Variants in TIAL1 observed in about 807,000 individuals in gnomAD.
The protein encoded by TIAL1 is TIA1 cytotoxic granule associated RNA binding protein like 1, also known as nucleolysin TIAR.
TIAL1 carries 7 observed loss-of-function variants against 59.7 expected under a neutral mutation model. The ratio of observed to expected loss-of-function variants is 0.12; its 90% CI spans 0.07 to 0.22. The LOEUF (loss-of-function observed/expected upper bound fraction) is 0.22, where lower values mean the gene tolerates loss of function less well. TIAL1 is among the 10% of genes least tolerant of loss of function. The probability of loss-of-function intolerance (pLI) is 1.00; values close to 1 mark genes in which losing one functional copy is unlikely to be tolerated. For missense variants in TIAL1, 225 were observed against 462.5 expected (o/e 0.49, Z 4.71); for synonymous variants, 149 against 146.3 (o/e 1.02, Z -0.13).
intron 1 of TIAL1, among the ~76,000 whole-genome samples, chr10:119,590,850 CATT>C (rs1334677151): frequency 6.7e-6 from 1 of 149,362 alleles, no homozygotes; most frequent in Non-Finnish European, 1.5e-5. Flanking sequence ...AGCTTCTAAA[CATT>C]ATGCTCCTTG....
At chr10:119,577,795 G>A in intron 7 of TIAL1, 59 bp from the exon 8 acceptor site, 1 of 1,410,488 alleles carries the variant, frequency 7.1e-7, no homozygotes, top group Non-Finnish European at 1.0e-6. Flanking sequence ...AAACTCTTCT[G>A]TTAATTACTA....
At chr10:119,576,327 AAAAT>A (rs1844993887) in intron 11 of TIAL1, among the ~76,000 whole-genome samples, 1 of 152,204 alleles carries the variant, frequency 6.6e-6, no homozygotes, top group South Asian at 2.1e-4. Flanking sequence ...TTTACATGCA[AAAAT>A]AAATAAAAGT....
intron 1 of TIAL1, chr10:119,592,179 G>A (rs1416188027): frequency 6.6e-6 from 1 of 152,100 alleles, no homozygotes; most frequent in East Asian, 1.9e-4. Flanking sequence ...GTATTGAGAG[G>A]TCAATTCAAA....
At chr10:119,587,362 T>C (rs1469124437) in intron 2 of TIAL1, among the ~76,000 whole-genome samples, 2 of 152,248 alleles carry the variant, frequency 1.3e-5, no homozygotes, top group Admixed American at 1.3e-4. Context: ...CTAGCCAGTA[T>C]GTACTACTAT....
chr10:119,585,106 G>C (rs957445098), intron 2 of TIAL1, among the ~76,000 whole-genome samples: 8 of 89,976 alleles, frequency 8.9e-5, no homozygotes, highest in Admixed American at 4.7e-4. Context: ...CTGGGCAAAA[G>C]AGCAAGATTC....
At position 119,582,365 on chromosome 10, in the gene TIAL1, G is replaced by A. The variant is rs927388138; in HGVS notation, c.228+94C>T. The A allele has an allele frequency of 6.7e-6, 10 of 1,486,294 alleles. No individual in the cohort carries two copies. The African/African-American group carries it at 7.0e-5, about 10-fold the overall frequency. The allele number at this position is 1,486,294 out of a possible 1,614,324, so 92.1% of individuals were successfully genotyped here. Reference sequence around the variant, plus strand: ...AAAGCAAAACCATCACTCAGCAGCCGAATATCTGCTCAAAAATTTGCCTAG... The same window carrying A: ...AAAGCAAAACCATCACTCAGCAGCCAAATATCTGCTCAAAAATTTGCCTAG... On this transcript the variant is annotated intron_variant, in intron 3 of 11. Coordinates refer to ENST00000436547, the MANE Select transcript of TIAL1 (RefSeq NM_003252.4). The surrounding 1 kb of genome is among the most constrained non-coding windows in gnomAD (Gnocchi z 5.1).
intron 2 of TIAL1, among the ~76,000 whole-genome samples, chr10:119,587,749 A>G (rs1845641316): frequency 6.6e-6 from 1 of 152,256 alleles, no homozygotes; most frequent in East Asian, 1.9e-4. Flanking sequence ...TATTTGCTAC[A>G]GACACACGAG....
chr10:119,581,501 C>T (rs1397031108), intron 5 of TIAL1, among the ~76,000 whole-genome samples: 1 of 152,028 alleles, frequency 6.6e-6, no homozygotes, highest in Non-Finnish European at 1.5e-5. Flanking sequence ...TTTACCTACT[C>T]TCCCCCATTT....
rs898395680 is a variant in TIAL1 at position 119,576,769 on chromosome 10, T to C, written c.862-19A>G. 1.2e-6 allele frequency: 2 copies of C among 1,611,402 alleles called. No individual in the cohort carries two copies. The highest frequency in any genetic ancestry group is 1.3e-5 in the African/African-American group (1 of 74,744). ...AGTCAACCTAGGAAAAAGCAAAGTA[T>C]TGTTTTAGGGAACACATAAGAAACA... On this transcript the variant is annotated intron_variant, in intron 10 of 11. Transcript: ENST00000436547.
In TIAL1 at chr10:119,574,586, C is replaced by CAAAAAAAAAAAAAAAAAAAAAAAAAAAA. The variant is rs5788360; in HGVS notation, c.*1078_*1079insTTTTTTTTTTTTTTTTTTTTTTTTTTTT. On this transcript the variant is annotated 3_prime_UTR_variant, in exon 12 of 12. Transcript: ENST00000436547. ...TATTTACATACCAAGTAATGTAAAG[C>CAAAAAAAAAAAAAAAAAAAAAAAAAAAA]AAAAAAAAAAAAAAAAAAAAACAAA... 1.2e-5 allele frequency: 1 copy of CAAAAAAAAAAAAAAAAAAAAAAAAAAAA among 86,580 alleles called. No individual in the cohort carries two copies. The highest frequency in any genetic ancestry group is 2.1e-5 in the Non-Finnish European group (1 of 47,630). The allele number at this position is 86,580 out of a possible 1,614,324, so 5.4% of individuals were successfully genotyped here. A position where few individuals can be genotyped will look rare whatever the true frequency, so the allele number is the denominator to read the frequency against.
intron 2 of TIAL1, 71 bp downstream of exon 2, chr10:119,588,081 A>G (rs1589877437): frequency 1.1e-6 from 1 of 916,582 alleles, no homozygotes. Flanking sequence ...GAGGCTTACA[A>G]TGAAATTTTA....
intron 1 of TIAL1, among the ~76,000 whole-genome samples, chr10:119,595,673 G>C (rs1190693293): frequency 6.6e-6 from 1 of 152,194 alleles, no homozygotes; most frequent in African/African-American, 2.4e-5. Flanking sequence ...CAACTCTGAA[G>C]CTTTCGACGC....
intron 1 of TIAL1, among the ~76,000 whole-genome samples, chr10:119,593,738 C>G (rs542715698): frequency 7.2e-5 from 11 of 151,806 alleles, no homozygotes; most frequent in Admixed American, 2.6e-4. Context: ...CTAATAGAAC[C>G]CTTTGAGAAT....
intron 1 of TIAL1, among the ~76,000 whole-genome samples, chr10:119,594,229 T>C (rs1319805868): frequency 6.6e-6 from 1 of 152,196 alleles, no homozygotes; most frequent in East Asian, 1.9e-4. Context: ...ACAACTTAAC[T>C]GTTTCAAAGA....
Position 119,582,753 on chromosome 10 carries a change from A to G in TIAL1, c.130-196T>C. ...CACCTCAGAATACTGCTGAACTCAA[A>G]CGGAACTATAAAAGCAGTTGTAGAA... On this transcript the variant is annotated intron_variant, in intron 2 of 11. Coordinates refer to ENST00000436547, the MANE Select transcript of TIAL1 (RefSeq NM_003252.4). This position sits in a 1 kb window ranked among gnomAD's most constrained non-coding sequence, Gnocchi z 5.1. The G allele has an allele frequency of 7.2e-6, 5 of 691,372 alleles. No individual in the cohort carries two copies. The highest frequency in any genetic ancestry group is 3.3e-5 in the South Asian group (1 of 30,578). The allele number at this position is 691,372 out of a possible 1,614,324, so 42.8% of individuals were successfully genotyped here. A position where few individuals can be genotyped will look rare whatever the true frequency, so the allele number is the denominator to read the frequency against.
At chr10:119,590,332 C>T (rs1048121598) in intron 1 of TIAL1, among the ~76,000 whole-genome samples, 2 of 152,236 alleles carry the variant, frequency 1.3e-5, no homozygotes, top group Admixed American at 6.5e-5. Flanking sequence ...CGATAGGCTG[C>T]TTGCCCCTTC....
intron 5 of TIAL1, chr10:119,580,621 C>T (rs924684970): frequency 2.0e-5 from 20 of 993,376 alleles, no homozygotes; most frequent in African/African-American, 1.0e-4. Flanking sequence ...CACACCAGTA[C>T]GAAAACAACA....
intron 1 of TIAL1, chr10:119,592,291 T>A (rs1486129871): frequency 6.6e-6 from 1 of 152,202 alleles, no homozygotes; most frequent in African/African-American, 2.4e-5. Flanking sequence ...ACAGGAACTG[T>A]AGGAACTGAA....
In TIAL1 at chr10:119,574,716, T is replaced by C. The variant is rs1277887345; in HGVS notation, c.*949A>G. ...TCTGCACAATTTGTGTAATTTTAATTTTACATAGTAGCCAACCTTGGAAAT... is the reference window on the plus strand; with the variant it reads ...TCTGCACAATTTGTGTAATTTTAATCTTACATAGTAGCCAACCTTGGAAAT... On this transcript the variant is annotated 3_prime_UTR_variant, in exon 12 of 12. Coordinates refer to ENST00000436547, the MANE Select transcript of TIAL1 (RefSeq NM_003252.4). The C allele has an allele frequency of 6.6e-6, 1 of 152,564 alleles. No homozygotes were observed. Among genetic ancestry groups the C allele is most frequent in the East Asian group, 1.9e-4 (1 of 5,198 alleles). The allele number at this position is 152,564 out of a possible 1,614,324, so 9.5% of individuals were successfully genotyped here. A position where few individuals can be genotyped will look rare whatever the true frequency, so the allele number is the denominator to read the frequency against.
Sources: gnomAD v4.1 joint callset for allele counts (sites outside exome capture counted in the v4.1 genomes callset) on GRCh38, gnomAD v4.1.1 for gene constraint, Gnocchi (gnomAD v3.1) non-coding constraint, MANE v1.5 for transcripts, NCBI Gene and HGNC (gene_info 2026-07-23, HGNC 2026-07-21) for gene names.